The following CSNK1D variants were observed in gnomAD, a reference collection of about 807,000 sequenced individuals.
The protein encoded by CSNK1D is casein kinase I isoform delta.
CSNK1D carries 16 observed loss-of-function variants against 46.6 expected under a neutral mutation model. The ratio of observed to expected loss-of-function variants is 0.34; its 90% CI spans 0.23 to 0.52. The LOEUF is 0.52. Ranked by LOEUF, CSNK1D falls within the 20% of genes least tolerant of loss-of-function variation. The pLI is 0.95. For synonymous variants in CSNK1D, 276 were observed against 228.2 expected, an observed-to-expected ratio of 1.21 and a Z score of -1.89; for missense variants, 398 against 578.4, an observed-to-expected ratio of 0.69 and a Z score of 3.20.
chr17:82,248,647 G>A lies in CSNK1D; in HGVS notation c.1197+228C>T. 1 of 1,389,168 alleles carries A rather than the reference G, an allele frequency of 7.2e-7. No homozygotes were observed. The highest frequency in any genetic ancestry group is 9.3e-7 in the Non-Finnish European group (1 of 1,069,996). The allele number at this position is 1,389,168 out of a possible 1,614,324, so 86.1% of individuals were successfully genotyped here. A position where few individuals can be genotyped will look rare whatever the true frequency, so the allele number is the denominator to read the frequency against. On this transcript the variant is annotated intron_variant, in intron 8 of 8. Transcript: ENST00000314028. The surrounding 1 kb of genome is among the most constrained non-coding windows in gnomAD (Gnocchi z 4.1). ...CTGGCCTCAGGGACCTGAGACCTGAGACTGGCCACCTGCAACCAGGAGACA... is the reference window on the plus strand; with the variant it reads ...CTGGCCTCAGGGACCTGAGACCTGAAACTGGCCACCTGCAACCAGGAGACA...
intron 8 of CSNK1D, chr17:82,246,526 A>G (rs1357639330): frequency 1.9e-6 from 2 of 1,068,548 alleles, no homozygotes; most frequent in Non-Finnish European, 1.1e-6. Flanking sequence ...CTCAGCAACT[A>G]GATGGCCTTT....
chr17:82,260,935 C>A (rs142009199), intron 2 of CSNK1D: 301 of 155,278 alleles, frequency 1.9e-3, no homozygotes, highest in African/African-American at 7.0e-3. Context: ...GGCAGTGGCA[C>A]CATCACAGCT....
Position 82,243,541 on chromosome 17 carries a change from ACCAACAGACACGCGC to A in CSNK1D, c.*1225_*1239del. On this transcript the variant is annotated 3_prime_UTR_variant, in exon 9 of 9. Transcript: ENST00000314028. ...CCCCACGCACGCTGCTTCACTTCTG[ACCAACAGACACGCGC>A]CCAACAGAAGGTCACAGCGCAGACT... 1 of 985,416 alleles carries A rather than the reference ACCAACAGACACGCGC, an allele frequency of 1.0e-6. No individual in the cohort carries two copies. Among genetic ancestry groups the A allele is most frequent in the Non-Finnish European group, 1.2e-6 (1 of 829,942 alleles). 61.0% of individuals were successfully genotyped at this position (985,416 alleles called of 1,614,324 possible).
intron 8 of CSNK1D, chr17:82,245,644 C>T (rs772476254): frequency 2.7e-6 from 1 of 376,712 alleles, no homozygotes; most frequent in Non-Finnish European, 5.1e-6. Context: ...GCTCGGGGCA[C>T]CCGCCTTGCC....
chr17:82,258,270 G>A (rs536481001), intron 2 of CSNK1D, among the ~76,000 whole-genome samples: 6 of 149,420 alleles, frequency 4.0e-5, no homozygotes, highest in African/African-American at 1.5e-4. Flanking sequence ...TTATGTTTCG[G>A]TCTTTTATAT....
downstream of CSNK1D, among the ~76,000 whole-genome samples, chr17:82,240,611 C>G (rs1001438381): frequency 1.3e-5 from 2 of 152,194 alleles, no homozygotes; most frequent in Non-Finnish European, 1.5e-5. Flanking sequence ...AGCAGTCTCT[C>G]TAGCTCAACT....
chr17:82,250,663 G>GC lies in CSNK1D; in HGVS notation c.885+715dup, dbSNP rs1310535695. On this transcript the variant is annotated intron_variant, in intron 6 of 8. Transcript: ENST00000314028. This position sits in a 1 kb window ranked among gnomAD's most constrained non-coding sequence, Gnocchi z 4.6. Reference sequence around the variant, plus strand: ...CATCTGGAGACCCCGCCCCTCCCTGGCCCCTGCACGACTACTGGACAAGGC... The same window carrying GC: ...CATCTGGAGACCCCGCCCCTCCCTGGCCCCCTGCACGACTACTGGACAAGGC... The GC allele has an allele frequency of 5.8e-6, 1 of 173,350 alleles. No individual in the cohort carries two copies. Among genetic ancestry groups the GC allele is most frequent in the East Asian group, 1.7e-4 (1 of 5,970 alleles). 10.7% of individuals were successfully genotyped at this position (173,350 alleles called of 1,614,324 possible). A position where few individuals can be genotyped will look rare whatever the true frequency, so the allele number is the denominator to read the frequency against.
chr17:82,250,023 T>G lies in CSNK1D; in HGVS notation c.886-421A>C. 1 of 1,242,092 alleles carries G rather than the reference T, an allele frequency of 8.1e-7. No homozygotes were observed. The highest frequency in any genetic ancestry group is 1.0e-6 in the Non-Finnish European group (1 of 964,330). The allele number at this position is 1,242,092 out of a possible 1,614,324, so 76.9% of individuals were successfully genotyped here. On this transcript the variant is annotated intron_variant, in intron 6 of 8. Coordinates refer to ENST00000314028, the MANE Select transcript of CSNK1D (RefSeq NM_001893.6). This position sits in a 1 kb window ranked among gnomAD's most constrained non-coding sequence, Gnocchi z 4.6. ...GGAAAGCGGGGTGGGGATGAGAGCG[T>G]TTGGTCGGACGAGGAGTACACTCAG... is the stretch of plus-strand genomic sequence containing the variant.
intron 1 of CSNK1D, among the ~76,000 whole-genome samples, chr17:82,268,205 G>GC (rs1215666627): frequency 3.3e-5 from 5 of 152,196 alleles, no homozygotes; most frequent in Non-Finnish European, 7.3e-5. Flanking sequence ...CACCTGCTGG[G>GC]CAGAAGCATC....
chr17:82,249,435 G>A lies in CSNK1D; in HGVS notation c.1053C>T (p.His351=). 1 of 1,536,708 alleles carries A rather than the reference G, an allele frequency of 6.5e-7. No homozygotes were observed. The highest frequency in any genetic ancestry group is 8.7e-7 in the Non-Finnish European group (1 of 1,145,874). Residue 351 remains histidine, a synonymous_variant, in exon 7 of 9, where the codon CAC becomes CAT. Transcript: ENST00000314028. The surrounding 1 kb of genome is among the most constrained non-coding windows in gnomAD (Gnocchi z 6.7). ...CGCTGGGAGGGGGGCACTCACCCGT[G>A]TGTGAGGTAGGGGTGAGGGGTGTGG... ...APPTPLTPTS[H]TANTSPRPVS...
rs1383049970 is a variant in CSNK1D at position 82,248,818 on chromosome 17, C to G, written c.1197+57G>C. 1.9e-6 allele frequency: 3 copies of G among 1,579,020 alleles called. No homozygotes were observed. The highest frequency in any genetic ancestry group is 2.6e-6 in the Non-Finnish European group (3 of 1,162,164). On this transcript the variant is annotated intron_variant, in intron 8 of 8. Transcript: ENST00000314028. The surrounding 1 kb of genome is among the most constrained non-coding windows in gnomAD (Gnocchi z 4.1). ...AGCCCTGGAGAAACCACAGCCCGCT[C>G]TTGACTCGGACGGGGTAGCCCGAGG...
chr17:82,264,791 C>A (rs938034706), intron 2 of CSNK1D, among the ~76,000 whole-genome samples: 1 of 148,778 alleles, frequency 6.7e-6, no homozygotes, highest in African/African-American at 2.5e-5. Flanking sequence ...GAAATTCACA[C>A]AAAATCTTTT....
intron 1 of CSNK1D, among the ~76,000 whole-genome samples, chr17:82,270,112 TCTCA>T (rs2051581472): frequency 1.3e-5 from 2 of 152,236 alleles, no homozygotes; most frequent in South Asian, 4.1e-4. Flanking sequence ...GATCTGGCAA[TCTCA>T]GACTGAAGAC....
chr17:82,261,561 T>C (rs1472905370), intron 2 of CSNK1D, among the ~76,000 whole-genome samples: 1 of 152,210 alleles, frequency 6.6e-6, no homozygotes. Flanking sequence ...ATGATTTATA[T>C]AACTAAAATG....
Position 82,243,852 on chromosome 17 carries a change from C to T in CSNK1D, c.*929G>A, listed in dbSNP as rs2050785101. 1.0e-6 allele frequency: 1 copy of T among 985,544 alleles called. No individual in the cohort carries two copies. The allele number at this position is 985,544 out of a possible 1,614,324, so 61.0% of individuals were successfully genotyped here. ...CACCTCTCGGTTCACAGTCCTCTCC[C>T]AAGGGACCAGAAACGCATCTTCCAC... On this transcript the variant is annotated 3_prime_UTR_variant, in exon 9 of 9. Coordinates refer to ENST00000314028, the MANE Select transcript of CSNK1D (RefSeq NM_001893.6).
At chr17:82,271,361 C>A (rs960239263) in intron 1 of CSNK1D, among the ~76,000 whole-genome samples, 1 of 152,208 alleles carries the variant, frequency 6.6e-6, no homozygotes, top group South Asian at 2.1e-4. Flanking sequence ...TGAGCCACCA[C>A]ACCCGGCCCA....
rs919034552 is a variant in CSNK1D, at chr17:82,250,107, G to A, written c.886-505C>T. 2.1e-5 allele frequency: 27 copies of A among 1,290,320 alleles called. No individual in the cohort carries two copies. In the African/African-American group the frequency reaches 3.0e-4, roughly 15 times the overall value. The allele number at this position is 1,290,320 out of a possible 1,614,324, so 79.9% of individuals were successfully genotyped here. ...AGGTGTGGTGGCGTGGCCAGCAGCC[G>A]GCAGCCGGATCTGTGCTGCACTATC... On this transcript the variant is annotated intron_variant, in intron 6 of 8. Coordinates refer to ENST00000314028, the MANE Select transcript of CSNK1D (RefSeq NM_001893.6). This position sits in a 1 kb window ranked among gnomAD's most constrained non-coding sequence, Gnocchi z 4.6.
At chr17:82,260,083 G>C (rs957028405) in intron 2 of CSNK1D, among the ~76,000 whole-genome samples, 5 of 146,178 alleles carry the variant, frequency 3.4e-5, no homozygotes. Flanking sequence ...TGGTGTACTG[G>C]TGTACTGACT....
chr17:82,258,444 C>G (rs2051241005), intron 2 of CSNK1D, among the ~76,000 whole-genome samples: 1 of 151,944 alleles, frequency 6.6e-6, no homozygotes, highest in Admixed American at 6.6e-5. Flanking sequence ...CCAAACTGCC[C>G]CCATTAGCAT....
Sources: gnomAD v4.1 joint callset for allele counts (sites outside exome capture counted in the v4.1 genomes callset) on GRCh38, gnomAD v4.1.1 for gene constraint, Gnocchi (gnomAD v3.1) non-coding constraint, MANE v1.5 for transcripts, NCBI Gene and HGNC (gene_info 2026-07-23, HGNC 2026-07-21) for gene names.